The following RNF220 variants were observed in gnomAD, a reference collection of about 807,000 sequenced individuals.
RNF220 encodes the protein E3 ubiquitin-protein ligase RNF220.
RNF220 carries 7 observed loss-of-function variants against 67.1 expected under a neutral mutation model. The observed-to-expected ratio is 0.10, with a 90% CI of 0.06 to 0.20. The LOEUF (loss-of-function observed/expected upper bound fraction) is 0.20, where lower values mean the gene tolerates loss of function less well. RNF220 is among the 10% of genes least tolerant of loss of function. The probability of loss-of-function intolerance (pLI) is 1.00; values close to 1 mark genes in which losing one functional copy is unlikely to be tolerated. For synonymous variants in RNF220, 270 were observed against 283.2 expected (o/e 0.95, Z 0.47); for missense variants, 565 against 740.3 (o/e 0.76, Z 2.75).
intron 2 of RNF220, among the ~76,000 whole-genome samples, chr1:44,432,607 C>T (rs11211000): frequency 0.24 from 35,711 of 151,822 alleles, 4,463 homozygotes; most frequent in South Asian, 0.36. Flanking sequence ...GCTATGTTGC[C>T]CAGGCTGGAG....
intron 6 of RNF220, among the ~76,000 whole-genome samples, chr1:44,633,802 C>G (rs569550273): frequency 6.6e-6 from 1 of 152,356 alleles, no homozygotes; most frequent in African/African-American, 2.4e-5. Flanking sequence ...TTCTAGAACT[C>G]TCAGGGTCCT....
chr1:44,622,969 TGTAA>T lies in RNF220; in HGVS notation c.804+185_804+188del, dbSNP rs377468283. Among the ~76,000 whole-genome samples, 261 of 152,260 alleles carry T rather than the reference TGTAA, an allele frequency of 1.7e-3. 2 individuals are homozygous for T. Among genetic ancestry groups the T allele is most frequent in the Middle Eastern group, 6.8e-3 (2 of 294 alleles). On this transcript the variant is annotated intron_variant, in intron 4 of 14. Coordinates refer to ENST00000361799, the MANE Select transcript of RNF220 (RefSeq NM_018150.4). The surrounding 1 kb of genome is among the most constrained non-coding windows in gnomAD (Gnocchi z 4.3). Reference sequence around the variant, plus strand: ...GGCCTAGGGCTGCGCCGTGTGTGTGTGTAAGTGTGTGTGGTCTGTGCATGAGTGA... The same window carrying T: ...GGCCTAGGGCTGCGCCGTGTGTGTGTGTGTGTGTGGTCTGTGCATGAGTGA...
At chr1:44,496,694 C>A (rs955874700) in intron 2 of RNF220, among the ~76,000 whole-genome samples, 1 of 152,214 alleles carries the variant, frequency 6.6e-6, no homozygotes, top group Non-Finnish European at 1.5e-5. Flanking sequence ...TGCTGTGTAG[C>A]AGATGCATGT....
At position 44,645,393 on chromosome 1, in the gene RNF220, C is replaced by T; in HGVS notation, c.1367-17C>T. The T allele has an allele frequency of 6.2e-7, 1 of 1,614,036 alleles. No individual in the cohort carries two copies. The highest frequency in any genetic ancestry group is 8.5e-7 in the Non-Finnish European group (1 of 1,179,962). The stretch of plus-strand genomic sequence containing the variant: ...CCCAGTCTGGCCGGAGTGTGAGTTG[C>T]CCCTCTGTCCCAGCAGAGATGCCAT... On this transcript the variant is annotated splice_polypyrimidine_tract_variant and intron_variant, in intron 11 of 14. Transcript: ENST00000361799. This position sits in a 1 kb window ranked among gnomAD's most constrained non-coding sequence, Gnocchi z 5.0.
At position 44,580,923 on chromosome 1, in the gene RNF220, G is replaced by T. The variant is rs575813180; in HGVS notation, c.626-33242G>T. 1.4e-4 allele frequency among the ~76,000 whole-genome samples: 21 copies of T among 152,336 alleles called. No individual in the cohort carries two copies. In the South Asian group the frequency reaches 4.1e-3, roughly 30 times the overall value. On this transcript the variant is annotated intron_variant, in intron 2 of 14. Transcript: ENST00000361799. ...TTCGCTGTGTGGCCGCCTTCTCCAG[G>T]CCTTGCTCTTCCCTTGATTTTGAAT...
intron 2 of RNF220, among the ~76,000 whole-genome samples, chr1:44,432,406 G>A (rs561534109): frequency 1.3e-5 from 2 of 151,906 alleles, no homozygotes; most frequent in East Asian, 3.9e-4. Flanking sequence ...GAGTAGCAGG[G>A]ATTACAGGTG....
chr1:44,413,922 G>C (rs1247659990), intron 2 of RNF220, among the ~76,000 whole-genome samples: 1 of 152,208 alleles, frequency 6.6e-6, no homozygotes, highest in Non-Finnish European at 1.5e-5. Context: ...TGCGCTAAAA[G>C]GCATCTGCCT....
chr1:44,564,630 G>A lies in RNF220; in HGVS notation c.626-49535G>A, dbSNP rs754516863. Among the ~76,000 whole-genome samples, 75 of 151,816 alleles carry A rather than the reference G, an allele frequency of 4.9e-4. 1 individual carries two copies. The highest frequency in any genetic ancestry group is 1.0e-3 in the Non-Finnish European group (68 of 67,984). On this transcript the variant is annotated intron_variant, in intron 2 of 14. Transcript: ENST00000361799. ...ATTACGCAGGCAGTGGCATGCATCT[G>A]TAATGCCAGCTACTTGGGAGGCTGA... is the stretch of plus-strand genomic sequence containing the variant.
chr1:44,603,703 C>G (rs1242052864), intron 2 of RNF220, among the ~76,000 whole-genome samples: 2 of 152,270 alleles, frequency 1.3e-5, no homozygotes, highest in African/African-American at 2.4e-5. Context: ...CCACCCAGCC[C>G]TTTTCTTCCT....
intron 5 of RNF220, among the ~76,000 whole-genome samples, chr1:44,628,150 TC>T: frequency 6.6e-6 from 1 of 152,362 alleles, no homozygotes; most frequent in Non-Finnish European, 1.5e-5. Context: ...AAGGCTTTGT[TC>T]CAGAGCATTC....
rs1267545676 is a variant in RNF220, at chr1:44,639,915, G to A, written c.1126+3753G>A. On this transcript the variant is annotated intron_variant, in intron 8 of 14. Transcript: ENST00000361799. ...AGAGATTCTCCTGCCTCAGCCTCCC[G>A]AGTAGCTGGGATTACAGGCATGTGC... Among the ~76,000 whole-genome samples, 5 of 152,166 alleles carry A rather than the reference G, an allele frequency of 3.3e-5. 1 individual carries two copies. Among genetic ancestry groups the A allele is most frequent in the African/African-American group, 9.7e-5 (4 of 41,434 alleles).
chr1:44,559,555 C>T (rs1317609506), intron 2 of RNF220, among the ~76,000 whole-genome samples: 2 of 152,180 alleles, frequency 1.3e-5, no homozygotes, highest in East Asian at 1.9e-4. Flanking sequence ...GATCAGGCTG[C>T]GCTCCAGCGG....
intron 2 of RNF220, among the ~76,000 whole-genome samples, chr1:44,512,185 A>G (rs971243155): frequency 3.3e-5 from 5 of 152,188 alleles, no homozygotes; most frequent in African/African-American, 2.4e-5. Flanking sequence ...TTCTGAACCA[A>G]TTTAACATAA....
At chr1:44,568,212 T>A (rs1664169100) in intron 2 of RNF220, among the ~76,000 whole-genome samples, 1 of 152,142 alleles carries the variant, frequency 6.6e-6, no homozygotes. Context: ...CCAATCAGGG[T>A]AAAATCCTTA....
At chr1:44,504,705 C>A (rs1290944617) in intron 2 of RNF220, among the ~76,000 whole-genome samples, 1 of 152,186 alleles carries the variant, frequency 6.6e-6, no homozygotes, top group East Asian at 1.9e-4. Flanking sequence ...GATCCCAGCA[C>A]CTGTGTCTCA....
At chr1:44,618,860 G>A (rs1643671057) in intron 3 of RNF220, among the ~76,000 whole-genome samples, 1 of 152,214 alleles carries the variant, frequency 6.6e-6, no homozygotes, top group Non-Finnish European at 1.5e-5. Context: ...CGACAGACCA[G>A]GTGGAGGAAG....
intron 3 of RNF220, among the ~76,000 whole-genome samples, chr1:44,617,390 G>A (rs947073417): frequency 2.6e-5 from 4 of 152,142 alleles, no homozygotes; most frequent in African/African-American, 9.7e-5. Flanking sequence ...ACCGGACTGT[G>A]GGCTGGACCG....
intron 2 of RNF220, among the ~76,000 whole-genome samples, chr1:44,513,189 A>G (rs1659166552): frequency 6.6e-6 from 1 of 152,190 alleles, no homozygotes; most frequent in Admixed American, 6.5e-5. Context: ...TGATATCTTC[A>G]GATAGATTAT....
At chr1:44,547,197 G>C (rs1558031750) in intron 2 of RNF220, among the ~76,000 whole-genome samples, 1 of 152,266 alleles carries the variant, frequency 6.6e-6, no homozygotes, top group African/African-American at 2.4e-5. Context: ...AAATGCAACT[G>C]GACCAAGCCT....
Sources: allele counts gnomAD v4.1 joint callset (sites outside exome capture counted in the v4.1 genomes callset), GRCh38; gene constraint gnomAD v4.1.1; non-coding constraint Gnocchi (gnomAD v3.1); transcripts MANE v1.5; gene names NCBI Gene and HGNC (gene_info 2026-07-23, HGNC 2026-07-21).